TRIM71: variants seen among roughly 807,000 people sequenced by gnomAD.
TRIM71 encodes the protein tripartite motif containing 71, also known as E3 ubiquitin-protein ligase TRIM71.
A neutral mutation model predicts 61.2 loss-of-function variants in TRIM71; 9 were observed. The ratio of observed to expected loss-of-function variants is 0.15; its 90% confidence interval spans 0.09 to 0.26. TRIM71 has a LOEUF of 0.26. TRIM71 is among the 10% of genes least tolerant of loss of function. The pLI, the probability that TRIM71 is intolerant of heterozygous loss-of-function variation, is 1.00. For missense variants in TRIM71, 998 were observed against 1,238.7 expected (o/e 0.81, Z 2.92); for synonymous variants, 645 against 553.2 (o/e 1.17, Z -2.33).
At chr3:32,835,304 T>C (rs1158532787) in intron 1 of TRIM71, among the ~76,000 whole-genome samples, 1 of 152,204 alleles carries the variant, frequency 6.6e-6, no homozygotes, top group Non-Finnish European at 1.5e-5. Flanking sequence ...TAAGAAACAT[T>C]CTCATTTTAA....
At chr3:32,878,086 A>G (rs902034171) in intron 2 of TRIM71, among the ~76,000 whole-genome samples, 2 of 152,244 alleles carry the variant, frequency 1.3e-5, no homozygotes, top group Non-Finnish European at 2.9e-5. Flanking sequence ...TGTAGTAGCT[A>G]TCGCCTTACG....
intron 1 of TRIM71, among the ~76,000 whole-genome samples, chr3:32,867,172 C>T (rs1156510828): frequency 7.4e-5 from 11 of 148,604 alleles, no homozygotes; most frequent in Admixed American, 7.3e-4. Flanking sequence ...ACTTTTACCA[C>T]CCCCCTCCCC....
intron 1 of TRIM71, among the ~76,000 whole-genome samples, chr3:32,857,884 T>A (rs1696622795): frequency 6.6e-6 from 1 of 151,974 alleles, no homozygotes; most frequent in Non-Finnish European, 1.5e-5. Context: ...GGCATGAGAA[T>A]CGCTTGAACC....
intron 1 of TRIM71, among the ~76,000 whole-genome samples, chr3:32,867,427 TTG>T (rs922431271): frequency 1.8e-4 from 28 of 151,816 alleles, no homozygotes; most frequent in Non-Finnish European, 3.1e-4. Context: ...TGACAAAAAT[TTG>T]TGTGTGTGTG....
chr3:32,842,639 C>T (rs1376942634), intron 1 of TRIM71, among the ~76,000 whole-genome samples: 7 of 152,152 alleles, frequency 4.6e-5, no homozygotes, highest in Non-Finnish European at 7.3e-5. Flanking sequence ...ACAGAGAAGT[C>T]GGGGCAGTGA....
intron 1 of TRIM71, 44 bp from the exon 2 acceptor site, chr3:32,873,774 C>G: frequency 1.4e-6 from 2 of 1,426,010 alleles, no homozygotes; most frequent in Non-Finnish European, 1.9e-6. Flanking sequence ...CTCCTCCTCC[C>G]GTCCTGCATC....
Position 32,819,522 on chromosome 3 carries a change from T to C in TRIM71, c.852+590T>C, listed in dbSNP as rs185165266. Among the ~76,000 whole-genome samples, 140 of 152,322 alleles carry C rather than the reference T, an allele frequency of 9.2e-4. 2 individuals carry two copies. In the East Asian group the frequency reaches 0.017, roughly 18 times the overall value. The stretch of plus-strand genomic sequence containing the variant: ...CAGCATGGCAGTCCTTGCCTCCTTA[T>C]GTTGGGTAAGAGTGGGAGCGTCTGT... On this transcript the variant is annotated intron_variant, in intron 1 of 3. Coordinates refer to ENST00000383763, the MANE Select transcript of TRIM71 (RefSeq NM_001039111.3).
At chr3:32,845,264 C>T (rs1310098996) in intron 1 of TRIM71, among the ~76,000 whole-genome samples, 1 of 152,222 alleles carries the variant, frequency 6.6e-6, no homozygotes, top group African/African-American at 2.4e-5. Context: ...GCTTCCATTT[C>T]ACTCCCAGGG....
rs1315794515 is a variant in TRIM71 at position 32,818,596 on chromosome 3, G to A, written c.516G>A (p.Gln172=). The change falls in exon 1 of 4, where the codon CAG becomes CAA. Residue 172 remains glutamine, a synonymous_variant. Coordinates refer to ENST00000383763, the MANE Select transcript of TRIM71 (RefSeq NM_001039111.3). The part of the protein sequence containing the change: ...ASAPPLPQAP[Q]PPAPSRSAPG... Reference sequence around the variant, plus strand: ...CGCCGCCACTCCCGCAGGCGCCGCAGCCGCCCGCGCCTTCCCGCTCGGCAC... The same window carrying A: ...CGCCGCCACTCCCGCAGGCGCCGCAACCGCCCGCGCCTTCCCGCTCGGCAC... 3.8e-6 allele frequency: 5 copies of A among 1,328,834 alleles called. No individual in the cohort carries two copies. Among genetic ancestry groups the A allele is most frequent in the African/African-American group, 3.1e-5 (2 of 64,750 alleles). 82.3% of individuals were successfully genotyped at this position (1,328,834 alleles called of 1,614,324 possible).
chr3:32,824,373 AGT>A lies in TRIM71; in HGVS notation c.852+5442_852+5443del, dbSNP rs1398607622. On this transcript the variant is annotated intron_variant, in intron 1 of 3. Transcript: ENST00000383763. ...TTTTTCTTTCTTTTTTTTTTTTTTA[AGT>A]AGAGACGGGGTTTCACCATATTGGC... 4.7e-5 allele frequency among the ~76,000 whole-genome samples: 7 copies of A among 149,912 alleles called. No homozygotes were observed. The East Asian group carries it at 1.4e-3, about 29-fold the overall frequency.
At position 32,890,935 on chromosome 3, in the gene TRIM71, G is replaced by A. The variant is rs1187641242; in HGVS notation, c.1731G>A (p.Lys577=). The change falls in exon 4 of 4, where the codon AAG becomes AAA. Residue 577 remains lysine, a synonymous_variant. Coordinates refer to ENST00000383763, the MANE Select transcript of TRIM71 (RefSeq NM_001039111.3). The surrounding 1 kb of genome is among the most constrained non-coding windows in gnomAD (Gnocchi z 6.2). ...AGCACATTGAGAACAGCCCTTTCAA[G>A]GTGGTGGTCAAGTCAGGCCGCAGCT... The part of the protein sequence containing the change: ...CNQHIENSPF[K]VVVKSGRSYV... The A allele has an allele frequency of 6.2e-7, 1 of 1,614,230 alleles. No homozygotes were observed.
At chr3:32,875,933 T>G (rs1696847930) in intron 2 of TRIM71, among the ~76,000 whole-genome samples, 1 of 152,306 alleles carries the variant, frequency 6.6e-6, no homozygotes, top group African/African-American at 2.4e-5. Flanking sequence ...GCTATCACAT[T>G]CCCATGCATG....
At chr3:32,883,675 G>A (rs1696932069) in intron 2 of TRIM71, among the ~76,000 whole-genome samples, 1 of 152,230 alleles carries the variant, frequency 6.6e-6, no homozygotes, top group Non-Finnish European at 1.5e-5. Flanking sequence ...TGAGCCTGAT[G>A]TTTGGAGGGA....
chr3:32,886,089 A>G, intron 3 of TRIM71, 21 bp downstream of exon 3: 4 of 1,604,184 alleles, frequency 2.5e-6, no homozygotes, highest in Non-Finnish European at 2.6e-6. Context: ...GAGCTCCCCC[A>G]CCCAGGCTGT....
intron 1 of TRIM71, among the ~76,000 whole-genome samples, chr3:32,828,167 C>G (rs1696225356): frequency 6.6e-6 from 1 of 151,784 alleles, no homozygotes; most frequent in Non-Finnish European, 1.5e-5. Flanking sequence ...TGGTCTGTGC[C>G]CTCCGAGATC....
intron 1 of TRIM71, among the ~76,000 whole-genome samples, chr3:32,865,093 G>A (rs1228397645): frequency 6.6e-6 from 1 of 152,140 alleles, no homozygotes; most frequent in African/African-American, 2.4e-5. Context: ...ACTTTGGGAG[G>A]CCGAGGCAGT....
At chr3:32,821,482 C>G (rs1044563632) in intron 1 of TRIM71, among the ~76,000 whole-genome samples, 3 of 152,080 alleles carry the variant, frequency 2.0e-5, no homozygotes, top group African/African-American at 4.8e-5. Context: ...TGTAAAATGC[C>G]TTCTTAGGAT....
chr3:32,879,725 C>T (rs909904788), intron 2 of TRIM71, among the ~76,000 whole-genome samples: 4 of 150,812 alleles, frequency 2.7e-5, no homozygotes, highest in African/African-American at 9.7e-5. Flanking sequence ...GTAACATCAG[C>T]ACTTTGGGAG....
intron 1 of TRIM71, among the ~76,000 whole-genome samples, chr3:32,829,938 T>C (rs1254409356): frequency 6.8e-6 from 1 of 146,974 alleles, no homozygotes; most frequent in Non-Finnish European, 1.5e-5. Context: ...TTTTTTTTTT[T>C]TTTTTTTCGA....
Sources: gnomAD v4.1 joint callset for allele counts (sites outside exome capture counted in the v4.1 genomes callset) on GRCh38, gnomAD v4.1.1 for gene constraint, Gnocchi (gnomAD v3.1) non-coding constraint, MANE v1.5 for transcripts, NCBI Gene and HGNC (gene_info 2026-07-23, HGNC 2026-07-21) for gene names.